RHD: variants seen among roughly 807,000 people sequenced by gnomAD.
RHD encodes the protein blood group Rh(D) polypeptide.
Under a neutral mutation model 45.5 loss-of-function variants are expected in RHD, and 16 were observed. The ratio of observed to expected loss-of-function variants is 0.35; its 90% CI spans 0.24 to 0.53. The LOEUF is 0.53. RHD is among the 20% of genes least tolerant of loss of function. RHD has a pLI of 0.92. For missense variants in RHD, 306 were observed against 532.0 expected (o/e 0.58, Z 4.18); for synonymous variants, 131 against 217.5 (o/e 0.60, Z 3.50).
rs1228498957 is a variant in RHD at position 25,320,693 on chromosome 1, C to T, written c.1154-1196C>T. On this transcript the variant is annotated intron_variant, in intron 8 of 9. Coordinates refer to ENST00000328664, the MANE Select transcript of RHD (RefSeq NM_016124.6). ...TTCCATGTGTCCTGTGAAATTCATC[C>T]AACTTCAGGAAGCTGGAGGAATACA... Among the ~76,000 whole-genome samples, 2 of 132,026 alleles carry T rather than the reference C, an allele frequency of 1.5e-5. 1 individual carries two copies. The highest frequency in any genetic ancestry group is 3.6e-5 in the Non-Finnish European group (2 of 55,770). The allele number at this position is 132,026 out of a possible 152,430, so 86.6% of individuals were successfully genotyped here. A position where few individuals can be genotyped will look rare whatever the true frequency, so the allele number is the denominator to read the frequency against.
At chr1:25,306,807 T>C (rs1474707068) in intron 7 of RHD, 78 bp downstream of exon 7, 2 of 1,246,862 alleles carry the variant, frequency 1.6e-6, no homozygotes, top group Non-Finnish European at 2.3e-6. Flanking sequence ...AGTCCTTAGC[T>C]GGGGCGTGTG....
chr1:25,299,610 G>A (rs1242135876), intron 3 of RHD, among the ~76,000 whole-genome samples: 2 of 128,826 alleles, frequency 1.6e-5, no homozygotes, highest in Admixed American at 1.5e-4. Flanking sequence ...AAGTGGAGGA[G>A]GGCAATAGGA....
intron 7 of RHD, among the ~76,000 whole-genome samples, chr1:25,311,894 T>C (rs1644168518): frequency 7.6e-6 from 1 of 131,020 alleles, no homozygotes; most frequent in South Asian, 2.3e-4. Flanking sequence ...TCCACCTACA[T>C]TTCAAAGGGT....
chr1:25,282,826 T>C (rs1468369787), intron 1 of RHD, among the ~76,000 whole-genome samples: 2 of 124,918 alleles, frequency 1.6e-5, no homozygotes, highest in African/African-American at 2.7e-5. Context: ...ACCCGGGAGG[T>C]GGAGGTTGCA....
At position 25,272,653 on chromosome 1, in the gene RHD, G is replaced by A. The variant is rs201595703; in HGVS notation, c.106G>A (p.Ala36Thr). 5.1e-6 allele frequency: 8 copies of A among 1,567,338 alleles called. 1 individual carries two copies. Among genetic ancestry groups the A allele is most frequent in the East Asian group, 2.2e-5 (1 of 44,748 alleles). The change falls in exon 1 of 10, where the codon GCT becomes ACT. Residue 36 changes from alanine (A) to threonine (T), a missense_variant. By Grantham distance (58) the Ala-to-Thr change is moderately conservative. Coordinates refer to ENST00000328664, the MANE Select transcript of RHD (RefSeq NM_016124.6). ...CTTCTATTTTTTTACCCACTATGAC[G>A]CTTCCTTAGAGGATCAAAAGGGGCT... ...LLFYFFTHYD[A>T]SLEDQKGLVA... is the part of the protein sequence containing the mutation.
In RHD at chr1:25,305,000, C is replaced by T. The variant is rs1436619759; in HGVS notation, c.939+1541C>T. ...TCATCATTCCTTCATTCAACACATA[C>T]GTTTTAACACTCATCTTGCTTTTCA... On this transcript the variant is annotated intron_variant, in intron 6 of 9. Transcript: ENST00000328664. Among the ~76,000 whole-genome samples the T allele has an allele frequency of 6.0e-5, 8 of 132,288 alleles. 2 individuals are homozygous for T. Among genetic ancestry groups the T allele is most frequent in the African/African-American group, 1.6e-4 (6 of 38,368 alleles). The allele number at this position is 132,288 out of a possible 152,430, so 86.8% of individuals were successfully genotyped here.
rs1472080688 is a variant in RHD at position 25,287,384 on chromosome 1, C to T, written c.335+2625C>T. On this transcript the variant is annotated intron_variant, in intron 2 of 9. Coordinates refer to ENST00000328664, the MANE Select transcript of RHD (RefSeq NM_016124.6). ...AAGACGAGAAGGGAGAGAAGTCACTCGCAGCCTGAGTGAACTCCCCTGCCC... is the reference window on the plus strand; with the variant it reads ...AAGACGAGAAGGGAGAGAAGTCACTTGCAGCCTGAGTGAACTCCCCTGCCC... Among the ~76,000 whole-genome samples the T allele has an allele frequency of 2.2e-5, 3 of 135,434 alleles. 1 individual carries two copies. The highest frequency in any genetic ancestry group is 2.2e-4 in the South Asian group (1 of 4,580). The allele number at this position is 135,434 out of a possible 152,430, so 88.8% of individuals were successfully genotyped here. A position where few individuals can be genotyped will look rare whatever the true frequency, so the allele number is the denominator to read the frequency against.
chr1:25,315,220 T>A (rs1047114410), intron 7 of RHD, among the ~76,000 whole-genome samples: 2 of 129,226 alleles, frequency 1.5e-5, no homozygotes, highest in Non-Finnish European at 3.6e-5. Context: ...AAATCACTTA[T>A]TATTAGATCA....
In RHD at chr1:25,296,716, T is replaced by C. The variant is rs191627552; in HGVS notation, c.487-4230T>C. On this transcript the variant is annotated intron_variant, in intron 3 of 9. Coordinates refer to ENST00000328664, the MANE Select transcript of RHD (RefSeq NM_016124.6). ...GTGGGTTTTCAGGAGAGCTGATGGT[T>C]TGAAAGTGTGGCACTTCCTCTCTCT... Among the ~76,000 whole-genome samples, 159 of 127,176 alleles carry C rather than the reference T, an allele frequency of 1.3e-3. 29 individuals carry two copies. Among genetic ancestry groups the C allele is most frequent in the Admixed American group, 8.3e-3 (108 of 13,082 alleles). 83.4% of individuals were successfully genotyped at this position (127,176 alleles called of 152,430 possible). A position where few individuals can be genotyped will look rare whatever the true frequency, so the allele number is the denominator to read the frequency against.
At chr1:25,286,208 G>T (rs759946608) in intron 2 of RHD, among the ~76,000 whole-genome samples, 1 of 135,560 alleles carries the variant, frequency 7.4e-6, no homozygotes, top group Non-Finnish European at 1.8e-5. Flanking sequence ...AGGTTTAGAG[G>T]CTGGGCATGG....
intron 5 of RHD, among the ~76,000 whole-genome samples, 156 bp from the exon 6 acceptor site, chr1:25,303,166 A>C (rs1364718671): frequency 7.6e-6 from 1 of 131,690 alleles, no homozygotes; most frequent in Non-Finnish European, 1.8e-5. Context: ...CTGATGAAGG[A>C]CACGTAGCCC....
At chr1:25,311,261 G>A (rs1180974741) in intron 7 of RHD, among the ~76,000 whole-genome samples, 1 of 132,004 alleles carries the variant, frequency 7.6e-6, no homozygotes, top group East Asian at 2.0e-4. Context: ...GTCATTTATG[G>A]AAGGCAGAAA....
chr1:25,309,295 T>C (rs1644016909), intron 7 of RHD, among the ~76,000 whole-genome samples: 1 of 131,544 alleles, frequency 7.6e-6, no homozygotes, highest in Non-Finnish European at 1.8e-5. Context: ...AGATACTCTT[T>C]TTCAATTCTC....
At position 25,322,529 on chromosome 1, in the gene RHD, T is replaced by C. The variant is rs534730481; in HGVS notation, c.1227+567T>C. Among the ~76,000 whole-genome samples, 8 of 132,250 alleles carry C rather than the reference T, an allele frequency of 6.0e-5. 1 individual carries two copies. Among genetic ancestry groups the C allele is most frequent in the South Asian group, 4.6e-4 (2 of 4,346 alleles). 86.8% of individuals were successfully genotyped at this position (132,250 alleles called of 152,430 possible). ...CTCTACTAAAAATACAAAAGTTAGC[T>C]GGGTGTGGTGGCACATGCCTGTAAT... On this transcript the variant is annotated intron_variant, in intron 9 of 9. Transcript: ENST00000328664.
chr1:25,315,096 C>T lies in RHD; in HGVS notation c.1074-1904C>T, dbSNP rs557919637. 1.9e-4 allele frequency among the ~76,000 whole-genome samples: 24 copies of T among 128,340 alleles called. 5 individuals are homozygous for T. The highest frequency in any genetic ancestry group is 8.3e-3 in the Middle Eastern group (2 of 242). 84.2% of individuals were successfully genotyped at this position (128,340 alleles called of 152,430 possible). On this transcript the variant is annotated intron_variant, in intron 7 of 9. Coordinates refer to ENST00000328664, the MANE Select transcript of RHD (RefSeq NM_016124.6). ...GCTCTTGCCTGTAGTCTCAGCTACT[C>T]GGGAGGCTGAGATCACGCCACTGCA...
rs1432041494 is a variant in RHD at position 25,329,144 on chromosome 1, C to A, written c.*220C>A. 10 of 1,087,944 alleles carry A rather than the reference C, an allele frequency of 9.2e-6. 1 individual carries two copies. The highest frequency in any genetic ancestry group is 1.3e-5 in the Non-Finnish European group (10 of 740,918). 67.4% of individuals were successfully genotyped at this position (1,087,944 alleles called of 1,614,324 possible). A position where few individuals can be genotyped will look rare whatever the true frequency, so the allele number is the denominator to read the frequency against. On this transcript the variant is annotated 3_prime_UTR_variant, in exon 10 of 10. Coordinates refer to ENST00000328664, the MANE Select transcript of RHD (RefSeq NM_016124.6). ...TGTAGAATACAACAATAAAATACAGCCATGTACCACATAACAACATCTTGG... is the reference window on the plus strand; with the variant it reads ...TGTAGAATACAACAATAAAATACAGACATGTACCACATAACAACATCTTGG...
In RHD at chr1:25,296,365, C is replaced by A. The variant is rs1298984389; in HGVS notation, c.487-4581C>A. ...GGATTCAAGCAATTCTTGTGCCTCA[C>A]CCTCCCGAGTAGCTGGGATTAGGGG... On this transcript the variant is annotated intron_variant, in intron 3 of 9. Transcript: ENST00000328664. Among the ~76,000 whole-genome samples the A allele has an allele frequency of 4.1e-5, 5 of 123,300 alleles. 1 individual carries two copies. Among genetic ancestry groups the A allele is most frequent in the Non-Finnish European group, 9.6e-5 (5 of 52,026 alleles). 80.9% of individuals were successfully genotyped at this position (123,300 alleles called of 152,430 possible).
rs1453614841 is a variant in RHD at position 25,292,960 on chromosome 1, C to A, written c.486+2169C>A. On this transcript the variant is annotated intron_variant, in intron 3 of 9. Transcript: ENST00000328664. ...GAGGAAGCCCAGGAGAGCGTGAGGT[C>A]CTGGAAGGCAAGGAAAGAGAGGGCC... Among the ~76,000 whole-genome samples the A allele has an allele frequency of 4.9e-5, 6 of 123,374 alleles. 1 individual carries two copies. The highest frequency in any genetic ancestry group is 1.7e-4 in the African/African-American group (6 of 35,720). The allele number at this position is 123,374 out of a possible 152,430, so 80.9% of individuals were successfully genotyped here. A position where few individuals can be genotyped will look rare whatever the true frequency, so the allele number is the denominator to read the frequency against.
At position 25,321,823 on chromosome 1, in the gene RHD, G is replaced by A. The variant is rs552572749; in HGVS notation, c.1154-66G>A. Reference sequence around the variant, plus strand: ...CTGTCGTTTTGACACACAATATTTCGATTAATCTTGAGATTAAAAATCCTG... The same window carrying A: ...CTGTCGTTTTGACACACAATATTTCAATTAATCTTGAGATTAAAAATCCTG... On this transcript the variant is annotated intron_variant, in intron 8 of 9. Transcript: ENST00000328664. 1.8e-5 allele frequency: 15 copies of A among 839,824 alleles called. 2 individuals are homozygous for A. The highest frequency in any genetic ancestry group is 5.9e-5 in the Admixed American group (3 of 50,908). 52.0% of individuals were successfully genotyped at this position (839,824 alleles called of 1,614,324 possible). A position where few individuals can be genotyped will look rare whatever the true frequency, so the allele number is the denominator to read the frequency against.
Sources: gnomAD v4.1 joint callset for allele counts (sites outside exome capture counted in the v4.1 genomes callset) on GRCh38, gnomAD v4.1.1 for gene constraint, MANE v1.5 for transcripts, NCBI Gene and HGNC (gene_info 2026-07-23, HGNC 2026-07-21) for gene names.